SPTA1: variants seen among roughly 807,000 people sequenced by gnomAD.
SPTA1 encodes spectrin alpha, erythrocytic 1, also known as spectrin alpha chain, erythrocytic 1.
A neutral mutation model predicts 324.7 loss-of-function variants in SPTA1; 177 were observed. That is an observed-to-expected ratio of 0.55 (90% confidence interval 0.48 to 0.62). The LOEUF is 0.62. Ranked by LOEUF, SPTA1 falls within the 20% of genes least tolerant of loss-of-function variation. SPTA1 has a pLI of 0.00. For missense variants in SPTA1, 3,162 were observed against 2,883.6 expected (o/e 1.10, Z -2.21); for synonymous variants, 1,195 against 1,041.3 (o/e 1.15, Z -2.84).
At chr1:158,656,797 T>G in intron 19 of SPTA1, 141 bp from the exon 20 acceptor site, 1 of 715,720 alleles carries the variant, frequency 1.4e-6, no homozygotes, top group Non-Finnish European at 2.4e-6. Flanking sequence ...TTTTTAACCC[T>G]AAATTTGCAA....
intron 47 of SPTA1, among the ~76,000 whole-genome samples, chr1:158,616,527 A>C (rs924720124): frequency 2.0e-5 from 3 of 152,112 alleles, no homozygotes; most frequent in Admixed American, 6.5e-5. Context: ...TGCTTGGCTT[A>C]TTTCACTTAA....
Position 158,666,419 on chromosome 1 carries a change from A to G in SPTA1, c.2117T>C (p.Val706Ala). ...AEDLQRWLEDVEWQVTSEDYG... is the reference protein window; with the variant it reads ...AEDLQRWLEDAEWQVTSEDYG... ...ATCCTCAGAGGTGACTTGCCACTCA[A>G]CATCCTCCAGCCAGCGCTGCAAATC... The change falls in exon 16 of 52, where the codon GTT becomes GCT. Residue 706 changes from valine (V) to alanine (A), a missense_variant. Physicochemically the swap from Val to Ala is moderately conservative, Grantham distance 64. Coordinates refer to ENST00000643759, the MANE Select transcript of SPTA1 (RefSeq NM_003126.4). 2 of 1,613,784 alleles carry G rather than the reference A, an allele frequency of 1.2e-6. No homozygotes were observed. Among genetic ancestry groups the G allele is most frequent in the Non-Finnish European group, 1.7e-6 (2 of 1,179,992 alleles).
chr1:158,633,407 T>C (rs1650818742), intron 39 of SPTA1, among the ~76,000 whole-genome samples: 1 of 152,102 alleles, frequency 6.6e-6, no homozygotes, highest in Non-Finnish European at 1.5e-5. Flanking sequence ...ATGCCTGTAA[T>C]CCCAGCACTT....
At chr1:158,626,770 A>G (rs1650299793) in intron 41 of SPTA1, 69 bp downstream of exon 41, 3 of 1,601,198 alleles carry the variant, frequency 1.9e-6, no homozygotes, top group Middle Eastern at 1.7e-4. Flanking sequence ...CCCAGAGACC[A>G]TTCTACACAT....
intron 31 of SPTA1, 33 bp from the exon 32 acceptor site, chr1:158,643,009 C>G: frequency 6.2e-7 from 1 of 1,612,668 alleles, no homozygotes; most frequent in Non-Finnish European, 8.5e-7. Context: ...TCTATGCCCT[C>G]CTCCACCCTT....
chr1:158,621,993 T>C (rs367831508), intron 43 of SPTA1, among the ~76,000 whole-genome samples: 130 of 152,292 alleles, frequency 8.5e-4, no homozygotes, highest in African/African-American at 3.0e-3. Context: ...GCCTCCTGAG[T>C]AGCTGGGACT....
intron 38 of SPTA1, 77 bp downstream of exon 38, chr1:158,635,836 G>A (rs760609152): frequency 1.4e-4 from 218 of 1,603,408 alleles, no homozygotes; most frequent in Non-Finnish European, 1.7e-4. Flanking sequence ...TGCTGAGCAG[G>A]CACTTAAGTA....
chr1:158,680,319 C>A (rs543813699), intron 5 of SPTA1, among the ~76,000 whole-genome samples: 5 of 152,200 alleles, frequency 3.3e-5, no homozygotes, highest in Non-Finnish European at 7.4e-5. Context: ...ATGGCAATAG[C>A]TTCACTGCCC....
intron 39 of SPTA1, among the ~76,000 whole-genome samples, chr1:158,631,336 T>C (rs1453694489): frequency 6.6e-6 from 1 of 152,178 alleles, no homozygotes; most frequent in African/African-American, 2.4e-5. Flanking sequence ...GGGGCCACTC[T>C]AAGTGAAGTA....
In SPTA1 at chr1:158,652,621, C is replaced by T. The variant is rs551084590; in HGVS notation, c.3221G>A (p.Arg1074His). 20 of 1,614,084 alleles carry T rather than the reference C, an allele frequency of 1.2e-5. No homozygotes were observed. The highest frequency in any genetic ancestry group is 1.4e-5 in the Non-Finnish European group (16 of 1,180,044). ...YRSLLDRAEE[R>H]RRRLLQRYNE... ...ATAACGTTGCAATAGACGACGTCTG[C>T]GTTCTTCTGCCCGATCCAAGAGGGA... Residue 1074 changes from arginine (R) to histidine (H), a missense_variant, in exon 23 of 52, where the codon CGC becomes CAC. Physicochemically the swap from Arg to His is conservative, Grantham distance 29. Coordinates refer to ENST00000643759, the MANE Select transcript of SPTA1 (RefSeq NM_003126.4).
Position 158,638,051 on chromosome 1 carries a change from T to A in SPTA1, c.5171A>T (p.Asp1724Val). The change falls in exon 36 of 52, where the codon GAT becomes GTT. Residue 1724 changes from aspartate (D) to valine (V), a missense_variant. Coordinates refer to ENST00000643759, the MANE Select transcript of SPTA1 (RefSeq NM_003126.4). The part of the protein sequence containing the change: ...ALFQFFQDLD[D>V]EESWIEEKLI... ...CACATACTCTATCCAGGATTCCTCA[T>A]CATCTAGATCCTGGAAGAACTGGAA... 6.2e-7 allele frequency: 1 copy of A among 1,613,824 alleles called. No individual in the cohort carries two copies. The highest frequency in any genetic ancestry group is 8.5e-7 in the Non-Finnish European group (1 of 1,179,814).
In SPTA1 at chr1:158,643,411, A is replaced by C. The variant is rs372181965; in HGVS notation, c.4353T>G (p.Thr1451=). 2 of 1,613,642 alleles carry C rather than the reference A, an allele frequency of 1.2e-6. No individual in the cohort carries two copies. The highest frequency in any genetic ancestry group is 2.2e-5 in the South Asian group (2 of 91,072). Residue 1451 remains threonine, a synonymous_variant, in exon 31 of 52, where the codon ACT becomes ACG. Coordinates refer to ENST00000643759, the MANE Select transcript of SPTA1 (RefSeq NM_003126.4). The stretch of plus-strand genomic sequence containing the variant: ...GGCTCTCAGCAAAATGTTCTAGGTC[A>C]GTGATCTTCCCTTCCTAAATAAAGG... The part of the protein sequence containing the change: ...KAITAQEGKI[T]DLEHFAESLI...
chr1:158,661,392 A>G lies in SPTA1; in HGVS notation c.2482T>C (p.Ser828Pro). The change falls in exon 18 of 52, where the codon TCC becomes CCC. Residue 828 changes from serine to proline, a missense_variant. Physicochemically the swap from Ser to Pro is moderately conservative, Grantham distance 74. Transcript: ENST00000643759. ...STYLGKDLIA[S>P]KKLLNRHRVI... ...CTATGCCTATTCAGAAGCTTTTTGG[A>G]AGCAATCAGGTCCTTTCCTGCAGAG... 2 of 1,613,854 alleles carry G rather than the reference A, an allele frequency of 1.2e-6. No individual in the cohort carries two copies.
At chr1:158,678,803 A>G (rs2101937803) in intron 5 of SPTA1, among the ~76,000 whole-genome samples, 1 of 152,176 alleles carries the variant, frequency 6.6e-6, no homozygotes, top group East Asian at 1.9e-4. Flanking sequence ...CCCTGATGTT[A>G]TTTTTAGAGC....
intron 39 of SPTA1, among the ~76,000 whole-genome samples, chr1:158,633,782 C>T (rs566875877): frequency 6.6e-6 from 1 of 151,998 alleles, no homozygotes; most frequent in Admixed American, 6.5e-5. Context: ...GGTGCACATG[C>T]ATGATCCAAA....
At chr1:158,619,609 T>TAA (rs976989432) in intron 44 of SPTA1, among the ~76,000 whole-genome samples, 1 of 152,190 alleles carries the variant, frequency 6.6e-6, no homozygotes, top group Non-Finnish European at 1.5e-5. Flanking sequence ...CTCTCCTGTT[T>TAA]ATAATTTCTT....
At position 158,652,352 on chromosome 1, in the gene SPTA1, A is replaced by G; in HGVS notation, c.3375+115T>C. On this transcript the variant is annotated intron_variant, in intron 23 of 51. Coordinates refer to ENST00000643759, the MANE Select transcript of SPTA1 (RefSeq NM_003126.4). Reference sequence around the variant, plus strand: ...GGAGATCTCAGCCACAGAGTTGCCAATAGCTTTGGGGAGAATATTTAACAA... The same window carrying G: ...GGAGATCTCAGCCACAGAGTTGCCAGTAGCTTTGGGGAGAATATTTAACAA... 4 of 1,243,746 alleles carry G rather than the reference A, an allele frequency of 3.2e-6. No individual in the cohort carries two copies. In the South Asian group the frequency reaches 5.0e-5, roughly 16 times the overall value. The allele number at this position is 1,243,746 out of a possible 1,614,324, so 77.0% of individuals were successfully genotyped here. A position where few individuals can be genotyped will look rare whatever the true frequency, so the allele number is the denominator to read the frequency against.
chr1:158,621,485 T>A (rs894628399), intron 43 of SPTA1, among the ~76,000 whole-genome samples: 1 of 152,192 alleles, frequency 6.6e-6, no homozygotes, highest in African/African-American at 2.4e-5. Flanking sequence ...CACAGAAACC[T>A]ATAAAGTATT....
intron 49 of SPTA1, 135 bp downstream of exon 49, chr1:158,614,118 C>A: frequency 3.7e-6 from 3 of 816,002 alleles, no homozygotes; most frequent in Non-Finnish European, 6.0e-6. Context: ...AAAGCCATGA[C>A]TGGAGCTAAT....
Sources: allele counts gnomAD v4.1 joint callset (sites outside exome capture counted in the v4.1 genomes callset), GRCh38; gene constraint gnomAD v4.1.1; transcripts MANE v1.5; gene names NCBI Gene and HGNC (gene_info 2026-07-23, HGNC 2026-07-21).